The following CHST9 variants were observed in gnomAD, a reference collection of about 807,000 sequenced individuals.
CHST9 encodes carbohydrate sulfotransferase 9.
CHST9 carries 41 observed loss-of-function variants against 44.4 expected under a neutral mutation model. The observed-to-expected ratio is 0.92, with a 90% CI of 0.72 to 1.20. The LOEUF (loss-of-function observed/expected upper bound fraction) is 1.20. Among genes scored for constraint, CHST9 ranks in the 50% most tolerant of loss-of-function variants. CHST9 has a pLI of 0.00. For synonymous variants in CHST9, 171 were observed against 178.4 expected (o/e 0.96, Z 0.33); for missense variants, 504 against 516.5 (o/e 0.98, Z 0.23).
intron 2 of CHST9, among the ~76,000 whole-genome samples, chr18:27,075,517 A>T (rs1016996870): frequency 6.6e-6 from 1 of 152,170 alleles, no homozygotes; most frequent in African/African-American, 2.4e-5. Context: ...GTAGTCTGAC[A>T]TTCTTACAAA....
intron 2 of CHST9, among the ~76,000 whole-genome samples, chr18:27,101,435 C>T (rs986558759): frequency 5.0e-5 from 6 of 120,732 alleles, no homozygotes; most frequent in Admixed American, 3.8e-4. Flanking sequence ...ACTAAAAATA[C>T]AAAAAAAATT....
chr18:27,136,612 A>C (rs1424376636), intron 2 of CHST9, among the ~76,000 whole-genome samples: 1 of 152,172 alleles, frequency 6.6e-6, no homozygotes, highest in Non-Finnish European at 1.5e-5. Flanking sequence ...TACCTATCTC[A>C]GACTTGTTGT....
At position 26,916,232 on chromosome 18, in the gene CHST9, T is replaced by C. The variant is rs568388273; in HGVS notation, c.*27A>G. The C allele has an allele frequency of 2.1e-5, 31 of 1,444,752 alleles. No homozygotes were observed. In the South Asian group the frequency reaches 3.2e-4, roughly 15 times the overall value. The allele number at this position is 1,444,752 out of a possible 1,614,324, so 89.5% of individuals were successfully genotyped here. A position where few individuals can be genotyped will look rare whatever the true frequency, so the allele number is the denominator to read the frequency against. On this transcript the variant is annotated 3_prime_UTR_variant, in exon 6 of 6. Coordinates refer to ENST00000618847, the MANE Select transcript of CHST9 (RefSeq NM_031422.6). Reference sequence around the variant, plus strand: ...TTTGAACTTATCATCATTAAGTATATACAGGGTTTTAGAAAATGAATGCAA... The same window carrying C: ...TTTGAACTTATCATCATTAAGTATACACAGGGTTTTAGAAAATGAATGCAA...
At chr18:26,986,929 A>G (rs1209335076) in intron 4 of CHST9, among the ~76,000 whole-genome samples, 1 of 152,224 alleles carries the variant, frequency 6.6e-6, no homozygotes, top group African/African-American at 2.4e-5. Flanking sequence ...CTTTAGGCAG[A>G]AGGAAATTGA....
At chr18:27,119,320 G>A (rs1291721806) in intron 2 of CHST9, among the ~76,000 whole-genome samples, 1 of 152,136 alleles carries the variant, frequency 6.6e-6, no homozygotes, top group Admixed American at 6.5e-5. Context: ...ATAGAAAAAG[G>A]TGTAACATTC....
At chr18:27,045,819 G>T (rs754667995) in intron 3 of CHST9, among the ~76,000 whole-genome samples, 50 of 151,988 alleles carry the variant, frequency 3.3e-4, no homozygotes, top group Non-Finnish European at 6.6e-4. Flanking sequence ...AGCCCGGACT[G>T]CAATCAGTGT....
chr18:26,941,824 G>A (rs1418702186), intron 5 of CHST9, among the ~76,000 whole-genome samples: 1 of 152,182 alleles, frequency 6.6e-6, no homozygotes, highest in Non-Finnish European at 1.5e-5. Flanking sequence ...TCAAATAGTT[G>A]TTTGTTCTCA....
At position 26,909,332 on chromosome 18, in the gene CHST9, A is replaced by G. The variant is rs1441470616; in HGVS notation, c.*6927T>C. 6.6e-6 allele frequency: 1 copy of G among 152,240 alleles called. No individual in the cohort carries two copies. The highest frequency in any genetic ancestry group is 2.1e-4 in the South Asian group (1 of 4,824). 9.4% of individuals were successfully genotyped at this position (152,240 alleles called of 1,614,324 possible). On this transcript the variant is annotated 3_prime_UTR_variant, in exon 6 of 6. Coordinates refer to ENST00000618847, the MANE Select transcript of CHST9 (RefSeq NM_031422.6). Reference sequence around the variant, plus strand: ...AAAAATTCACACACACACGAGAAGTACCCCAAGAGATTATTAAAAAGGAAA... The same window carrying G: ...AAAAATTCACACACACACGAGAAGTGCCCCAAGAGATTATTAAAAAGGAAA...
At chr18:27,126,463 T>G (rs188421981) in intron 2 of CHST9, among the ~76,000 whole-genome samples, 8 of 152,092 alleles carry the variant, frequency 5.3e-5, no homozygotes, top group South Asian at 2.1e-4. Context: ...CTGGGAAGAA[T>G]AGAGAGCACA....
chr18:27,068,841 T>C (rs2057809821), intron 2 of CHST9, among the ~76,000 whole-genome samples: 1 of 152,216 alleles, frequency 6.6e-6, no homozygotes, highest in Non-Finnish European at 1.5e-5. Context: ...ATGAAGCCTG[T>C]GGCCTGGATT....
At chr18:26,939,892 A>G (rs1251458102) in intron 5 of CHST9, among the ~76,000 whole-genome samples, 1 of 152,158 alleles carries the variant, frequency 6.6e-6, no homozygotes, top group Non-Finnish European at 1.5e-5. Flanking sequence ...CCAGATTACC[A>G]GGAGGTTCTA....
chr18:27,096,353 A>G (rs1426191304), intron 2 of CHST9, among the ~76,000 whole-genome samples: 1 of 151,988 alleles, frequency 6.6e-6, no homozygotes, highest in African/African-American at 2.4e-5. Flanking sequence ...TTAATGATCT[A>G]GTATCAAATT....
At chr18:26,986,578 C>T (rs2056757643) in intron 4 of CHST9, among the ~76,000 whole-genome samples, 1 of 152,078 alleles carries the variant, frequency 6.6e-6, no homozygotes, top group Non-Finnish European at 1.5e-5. Context: ...ATCTAGGAAG[C>T]TCAAGAAACC....
intron 1 of CHST9, among the ~76,000 whole-genome samples, chr18:27,171,556 A>G (rs975404769): frequency 6.6e-6 from 1 of 152,228 alleles, no homozygotes; most frequent in African/African-American, 2.4e-5. Context: ...CTTAGTATAC[A>G]GTAAAACTGA....
chr18:27,032,495 C>T (rs763094537), intron 3 of CHST9, among the ~76,000 whole-genome samples: 1 of 152,196 alleles, frequency 6.6e-6, no homozygotes, highest in Non-Finnish European at 1.5e-5. Context: ...AACAGTACAG[C>T]CTCCGTCCTT....
At chr18:27,004,042 G>GA (rs982581283) in intron 4 of CHST9, among the ~76,000 whole-genome samples, 25 of 143,202 alleles carry the variant, frequency 1.7e-4, no homozygotes, top group South Asian at 6.6e-4. Flanking sequence ...TGAGTGTCTG[G>GA]AAAAAAAAAA....
At chr18:26,929,462 G>A (rs2145082004) in intron 5 of CHST9, among the ~76,000 whole-genome samples, 1 of 152,316 alleles carries the variant, frequency 6.6e-6, no homozygotes, top group Middle Eastern at 3.4e-3. Context: ...CTGTCTCTAT[G>A]CCTTTCTTCT....
At chr18:27,007,325 A>G (rs1292618957) in intron 4 of CHST9, among the ~76,000 whole-genome samples, 1 of 152,188 alleles carries the variant, frequency 6.6e-6, no homozygotes, top group Non-Finnish European at 1.5e-5. Flanking sequence ...GAAAATGCAG[A>G]CTAAAGAAGA....
chr18:27,045,177 C>T (rs2143547309), intron 3 of CHST9, among the ~76,000 whole-genome samples: 1 of 152,032 alleles, frequency 6.6e-6, no homozygotes, highest in Non-Finnish European at 1.5e-5. Flanking sequence ...TTTCTCCATT[C>T]TCTGGTCCAC....
Sources: allele counts gnomAD v4.1 joint callset (sites outside exome capture counted in the v4.1 genomes callset), GRCh38; gene constraint gnomAD v4.1.1; transcripts MANE v1.5; gene names NCBI Gene and HGNC (gene_info 2026-07-23, HGNC 2026-07-21).